Variants in AGAP1 observed in about 807,000 individuals in gnomAD.
AGAP1 encodes arf-GAP with GTPase, ANK repeat and PH domain-containing protein 1.
Under a neutral mutation model 105.3 loss-of-function variants are expected in AGAP1, and 29 were observed. That is an observed-to-expected ratio of 0.28 (90% CI 0.21 to 0.38). The LOEUF is 0.38. AGAP1 is among the 10% of genes least tolerant of loss of function. AGAP1 has a pLI of 1.00. For synonymous variants in AGAP1, 509 were observed against 485.9 expected (o/e 1.05, Z -0.63); for missense variants, 998 against 1,165.1 (o/e 0.86, Z 2.09).
intron 13 of AGAP1, among the ~76,000 whole-genome samples, chr2:235,972,975 G>A (rs187246398): frequency 1.0e-3 from 154 of 152,220 alleles, no homozygotes; most frequent in Non-Finnish European, 3.2e-4. Context: ...AGGACCCTGC[G>A]AGAAGGTCTT....
In AGAP1 at chr2:235,549,689, G is replaced by A. The variant is rs1216034809; in HGVS notation, c.163+54840G>A. ...GTTCACGTTTTAGCACCTGGCAAAT[G>A]TATTGATACTTTACGAGCATTCACA... On this transcript the variant is annotated intron_variant, in intron 1 of 17. Transcript: ENST00000304032. The surrounding 1 kb of genome is among the most constrained non-coding windows in gnomAD (Gnocchi z 4.2). 6.6e-6 allele frequency among the ~76,000 whole-genome samples: 1 copy of A among 152,218 alleles called. No individual in the cohort carries two copies. The highest frequency in any genetic ancestry group is 1.5e-5 in the Non-Finnish European group (1 of 68,046).
intron 13 of AGAP1, among the ~76,000 whole-genome samples, chr2:235,972,534 T>A (rs1185940282): frequency 1.3e-5 from 2 of 152,130 alleles, no homozygotes; most frequent in Non-Finnish European, 2.9e-5. Context: ...GGCAACTATT[T>A]GGGAAAGCTT....
chr2:236,110,003 G>A (rs1289771265), intron 16 of AGAP1, among the ~76,000 whole-genome samples: 2 of 152,194 alleles, frequency 1.3e-5, no homozygotes, highest in Admixed American at 1.3e-4. Flanking sequence ...TGTACAGATG[G>A]GAAGATGTTT....
chr2:235,966,369 G>A (rs188191566), intron 12 of AGAP1, among the ~76,000 whole-genome samples: 10 of 152,046 alleles, frequency 6.6e-5, no homozygotes, highest in Middle Eastern at 6.8e-3. Flanking sequence ...AGGAGAGGGC[G>A]AGAAGGCCAG....
chr2:235,947,908 C>T (rs78772314), intron 12 of AGAP1, among the ~76,000 whole-genome samples: 7,456 of 152,276 alleles, frequency 0.049, 623 homozygotes, highest in African/African-American at 0.17. Context: ...TAAACTGAGT[C>T]CTAAATAATT....
rs1035969418 is a variant in AGAP1 at position 235,611,552 on chromosome 2, T to C, written c.164-97627T>C. On this transcript the variant is annotated intron_variant, in intron 1 of 17. Transcript: ENST00000304032. The surrounding 1 kb of genome is among the most constrained non-coding windows in gnomAD (Gnocchi z 5.0). The stretch of plus-strand genomic sequence containing the variant: ...ATGATGCCTGTGTACTTCCCTGTGG[T>C]GCCCAGGCCTGCAGATTACAGACGC... 6.6e-6 allele frequency among the ~76,000 whole-genome samples: 1 copy of C among 152,270 alleles called. No individual in the cohort carries two copies. Among genetic ancestry groups the C allele is most frequent in the African/African-American group, 2.4e-5 (1 of 41,556 alleles).
Position 235,720,921 on chromosome 2 carries a change from T to C in AGAP1, c.310+3277T>C, listed in dbSNP as rs1575223312. The stretch of plus-strand genomic sequence containing the variant: ...CTCCATCCCAGAGGGTAATATCTGC[T>C]GTCTTTTCGTTGTATGATGCATTTT... On this transcript the variant is annotated intron_variant, in intron 3 of 17. Transcript: ENST00000304032. The surrounding 1 kb of genome is among the most constrained non-coding windows in gnomAD (Gnocchi z 5.0). 6.6e-6 allele frequency among the ~76,000 whole-genome samples: 1 copy of C among 152,238 alleles called. No homozygotes were observed. Among genetic ancestry groups the C allele is most frequent in the African/African-American group, 2.4e-5 (1 of 41,454 alleles).
At chr2:235,558,131 T>C (rs1944030641) in intron 1 of AGAP1, among the ~76,000 whole-genome samples, 1 of 152,162 alleles carries the variant, frequency 6.6e-6, no homozygotes, top group Non-Finnish European at 1.5e-5. Flanking sequence ...GGCCTTTCTG[T>C]GTGCCTGGCC....
intron 1 of AGAP1, among the ~76,000 whole-genome samples, chr2:235,525,276 T>C (rs957229329): frequency 2.6e-5 from 4 of 151,854 alleles, no homozygotes; most frequent in African/African-American, 4.8e-5. Context: ...GGAGGACTGA[T>C]ACATAATGTG....
chr2:235,538,770 G>A (rs1943336739), intron 1 of AGAP1, among the ~76,000 whole-genome samples: 1 of 152,088 alleles, frequency 6.6e-6, no homozygotes, highest in African/African-American at 2.4e-5. Flanking sequence ...GAAGTGTGTT[G>A]TCCAAGATAG....
intron 9 of AGAP1, among the ~76,000 whole-genome samples, chr2:235,818,643 A>G (rs1049673061): frequency 3.9e-5 from 6 of 152,010 alleles, no homozygotes; most frequent in Non-Finnish European, 5.9e-5. Context: ...GGGTTTCACC[A>G]TGTTAGTCAG....
In AGAP1 at chr2:236,095,416, C is replaced by T. The variant is rs1317365820; in HGVS notation, c.2115-24776C>T. Among the ~76,000 whole-genome samples the T allele has an allele frequency of 6.6e-6, 1 of 151,868 alleles. No homozygotes were observed. Among genetic ancestry groups the T allele is most frequent in the African/African-American group, 2.4e-5 (1 of 41,328 alleles). ...TGTCTTGGCTGGGCACAGTGGCTCACGTGTGTAATCCCAGCACTTTTGGAG... is the reference window on the plus strand; with the variant it reads ...TGTCTTGGCTGGGCACAGTGGCTCATGTGTGTAATCCCAGCACTTTTGGAG... On this transcript the variant is annotated intron_variant, in intron 16 of 17. Coordinates refer to ENST00000304032, the MANE Select transcript of AGAP1 (RefSeq NM_001037131.3). The surrounding 1 kb of genome is among the most constrained non-coding windows in gnomAD (Gnocchi z 4.1).
intron 9 of AGAP1, among the ~76,000 whole-genome samples, chr2:235,871,779 A>G (rs774629187): frequency 1.7e-4 from 26 of 152,316 alleles, no homozygotes; most frequent in Non-Finnish European, 2.4e-4. Flanking sequence ...CCAAGGCACC[A>G]GGTGCTGCTA....
chr2:235,772,819 C>T (rs1553628190), intron 6 of AGAP1, among the ~76,000 whole-genome samples: 1 of 152,194 alleles, frequency 6.6e-6, no homozygotes, highest in Non-Finnish European at 1.5e-5. Context: ...GGGATGCAAG[C>T]GGGTCTCTCT....
chr2:235,755,536 G>A (rs1473353654), intron 6 of AGAP1, among the ~76,000 whole-genome samples: 2 of 152,174 alleles, frequency 1.3e-5, no homozygotes, highest in Non-Finnish European at 2.9e-5. Flanking sequence ...TACCTCCCGG[G>A]TTCAAGCAGT....
In AGAP1 at chr2:235,559,648, C is replaced by T. The variant is rs1944085644; in HGVS notation, c.163+64799C>T. Among the ~76,000 whole-genome samples the T allele has an allele frequency of 6.6e-6, 1 of 152,106 alleles. No individual in the cohort carries two copies. Among genetic ancestry groups the T allele is most frequent in the Admixed American group, 6.5e-5 (1 of 15,270 alleles). On this transcript the variant is annotated intron_variant, in intron 1 of 17. Transcript: ENST00000304032. The surrounding 1 kb of genome is among the most constrained non-coding windows in gnomAD (Gnocchi z 5.7). ...TACGTTATAGCCTCCCAGAAATTTT[C>T]TATACCCCTGAAATTTAACATTTTG...
At chr2:235,815,365 T>A (rs1329900033) in intron 9 of AGAP1, among the ~76,000 whole-genome samples, 5 of 152,208 alleles carry the variant, frequency 3.3e-5, no homozygotes, top group African/African-American at 1.2e-4. Context: ...CTGGACTCCA[T>A]GTGCACACGC....
chr2:236,052,351 C>A (rs755514151), intron 16 of AGAP1, among the ~76,000 whole-genome samples: 28 of 152,120 alleles, frequency 1.8e-4, no homozygotes, highest in Non-Finnish European at 3.4e-4. Flanking sequence ...AGATTCAAGA[C>A]CATGGGGAAG....
At chr2:235,545,272 T>C (rs1943586636) in intron 1 of AGAP1, among the ~76,000 whole-genome samples, 1 of 152,112 alleles carries the variant, frequency 6.6e-6, no homozygotes, top group East Asian at 1.9e-4. Flanking sequence ...TGTTCAAGAG[T>C]GTGATCGGTG....
Sources: allele counts gnomAD v4.1 joint callset (sites outside exome capture counted in the v4.1 genomes callset), GRCh38; gene constraint gnomAD v4.1.1; non-coding constraint Gnocchi (gnomAD v3.1); transcripts MANE v1.5; gene names NCBI Gene and HGNC (gene_info 2026-07-23, HGNC 2026-07-21).